Variants in IGF2BP2 observed in about 807,000 individuals in gnomAD.
IGF2BP2 encodes the protein insulin like growth factor 2 mRNA binding protein 2, also known as insulin-like growth factor 2 mRNA-binding protein 2.
In IGF2BP2, 17 loss-of-function variants were observed where a neutral mutation model predicts 75.8. The ratio of observed to expected loss-of-function variants is 0.22; its 90% confidence interval spans 0.15 to 0.34. The LOEUF (loss-of-function observed/expected upper bound fraction) is 0.34, where lower values mean the gene tolerates loss of function less well. IGF2BP2 is among the 10% of genes least tolerant of loss of function. The probability of loss-of-function intolerance (pLI) is 1.00; values close to 1 mark genes in which losing one functional copy is unlikely to be tolerated. For missense variants in IGF2BP2, 516 were observed against 772.4 expected, an observed-to-expected ratio of 0.67 and a Z score of 3.93; for synonymous variants, 288 against 295.6, an observed-to-expected ratio of 0.97 and a Z score of 0.26.
At chr3:185,688,853 CTT>C (rs370247185) in intron 6 of IGF2BP2, among the ~76,000 whole-genome samples, 1 of 152,330 alleles carries the variant, frequency 6.6e-6, no homozygotes, top group African/African-American at 2.4e-5. Flanking sequence ...TTCACCAACT[CTT>C]ACAATCAGTT....
rs575962344 is a variant in IGF2BP2, at chr3:185,646,860, C to T, written c.1707+165G>A. 9.7e-5 allele frequency: 61 copies of T among 625,886 alleles called. No individual in the cohort carries two copies. In the South Asian group the frequency reaches 1.0e-3, roughly 11 times the overall value. 38.8% of individuals were successfully genotyped at this position (625,886 alleles called of 1,614,324 possible). ...TGGAGAGAAGTGTGAAACAATGTCC[C>T]CTGCCCCGGGGGCCATCCCTAAAGA... On this transcript the variant is annotated intron_variant, in intron 15 of 15. Coordinates refer to ENST00000382199, the MANE Select transcript of IGF2BP2 (RefSeq NM_006548.6).
intron 2 of IGF2BP2, among the ~76,000 whole-genome samples, chr3:185,709,300 C>T (rs772563284): frequency 7.9e-5 from 12 of 152,212 alleles, no homozygotes; most frequent in Non-Finnish European, 1.3e-4. Context: ...GTTCTCCAAA[C>T]AGCACTTGAA....
chr3:185,718,501 CAT>C (rs2149452964), intron 2 of IGF2BP2, among the ~76,000 whole-genome samples: 1 of 151,976 alleles, frequency 6.6e-6, no homozygotes, highest in South Asian at 2.1e-4. Context: ...TCGTGGCTAA[CAT>C]AGTGAAATCC....
Position 185,754,678 on chromosome 3 carries a change from G to A in IGF2BP2, c.240-56331C>T, listed in dbSNP as rs566234046. On this transcript the variant is annotated intron_variant, in intron 2 of 15. Coordinates refer to ENST00000382199, the MANE Select transcript of IGF2BP2 (RefSeq NM_006548.6). The stretch of plus-strand genomic sequence containing the variant: ...GGACAGTGAAGTCCAGGCTGATGAG[G>A]TCTCAGGTGGAAATGAGGAAGTTAA... Among the ~76,000 whole-genome samples the A allele has an allele frequency of 3.3e-4, 51 of 152,312 alleles. No individual in the cohort carries two copies. The Middle Eastern group carries it at 0.01, about 30-fold the overall frequency.
chr3:185,731,402 A>G (rs1337116984), intron 2 of IGF2BP2, among the ~76,000 whole-genome samples: 1 of 151,442 alleles, frequency 6.6e-6, no homozygotes, highest in African/African-American at 2.4e-5. Context: ...ATGTGCCACC[A>G]CTCCAGCTAA....
At chr3:185,803,305 C>T (rs988252263) in intron 2 of IGF2BP2, among the ~76,000 whole-genome samples, 21 of 152,174 alleles carry the variant, frequency 1.4e-4, no homozygotes, top group Admixed American at 6.5e-5. Flanking sequence ...GAGCCGAGAT[C>T]ATGCTACTGC....
intron 2 of IGF2BP2, among the ~76,000 whole-genome samples, chr3:185,701,105 A>T (rs1306975062): frequency 6.6e-6 from 1 of 152,022 alleles, no homozygotes; most frequent in Non-Finnish European, 1.5e-5. Context: ...TAAATTATTA[A>T]ATTTTTAATA....
chr3:185,805,643 A>C (rs1738919008), intron 2 of IGF2BP2, among the ~76,000 whole-genome samples: 1 of 152,202 alleles, frequency 6.6e-6, no homozygotes, highest in Non-Finnish European at 1.5e-5. Flanking sequence ...GGCAGCCAAA[A>C]TATTTTAAAA....
intron 2 of IGF2BP2, among the ~76,000 whole-genome samples, chr3:185,787,360 T>C (rs1736036610): frequency 2.6e-5 from 4 of 152,176 alleles, no homozygotes; most frequent in Admixed American, 2.0e-4. Flanking sequence ...ATTTAAAAAA[T>C]ATTTAACGTT....
intron 2 of IGF2BP2, among the ~76,000 whole-genome samples, chr3:185,698,774 GCC>G (rs2149360842): frequency 6.6e-6 from 1 of 151,320 alleles, no homozygotes; most frequent in African/African-American, 2.4e-5. Flanking sequence ...GATTACAGGT[GCC>G]CACCACCACA....
chr3:185,665,503 A>AGGAGAAGG lies in IGF2BP2; in HGVS notation c.1200+7037_1200+7038insCCTTCTCC, dbSNP rs1560252056. Among the ~76,000 whole-genome samples the AGGAGAAGG allele has an allele frequency of 1.9e-4, 5 of 26,088 alleles. 1 individual carries two copies. The highest frequency in any genetic ancestry group is 2.1e-3 in the East Asian group (2 of 966). The allele number at this position is 26,088 out of a possible 152,430, so 17.1% of individuals were successfully genotyped here. ...GAAGAAGGAGGAGAAGGAGGAGGAG[A>AGGAGAAGG]AGGAGGAGGAGGAGAAGGAGGAGGA... On this transcript the variant is annotated intron_variant, in intron 10 of 15. Coordinates refer to ENST00000382199, the MANE Select transcript of IGF2BP2 (RefSeq NM_006548.6).
chr3:185,679,423 G>A lies in IGF2BP2; in HGVS notation c.813-3510C>T, dbSNP rs553642652. ...ATATCACAAATTAACATCTTTATAT[G>A]TTTTTATACCCATTAACATAGATTT... On this transcript the variant is annotated intron_variant, in intron 7 of 15. Transcript: ENST00000382199. Among the ~76,000 whole-genome samples, 55 of 151,242 alleles carry A rather than the reference G, an allele frequency of 3.6e-4. No homozygotes were observed. In the South Asian group the frequency reaches 4.0e-3, roughly 11 times the overall value.
At position 185,692,767 on chromosome 3, in the gene IGF2BP2, G is replaced by T. The variant is rs985263650; in HGVS notation, c.341-5C>A. The T allele has an allele frequency of 3.1e-6, 5 of 1,613,500 alleles. No individual in the cohort carries two copies. Among genetic ancestry groups the T allele is most frequent in the Non-Finnish European group, 4.2e-6 (5 of 1,179,708 alleles). ...CGGTTTCTGTGTCTGTGTTGACTAG[G>T]GAAAAGGCAAAAACTACACTGTCAT... On this transcript the variant is annotated splice_polypyrimidine_tract_variant and splice_region_variant and intron_variant, in intron 4 of 15. Transcript: ENST00000382199.
At chr3:185,710,280 T>C (rs1173294252) in intron 2 of IGF2BP2, among the ~76,000 whole-genome samples, 2 of 151,482 alleles carry the variant, frequency 1.3e-5, no homozygotes, top group South Asian at 2.1e-4. Flanking sequence ...TTCCACAGAC[T>C]GTGGGCAAGT....
chr3:185,724,185 G>A (rs1392629431), intron 2 of IGF2BP2, among the ~76,000 whole-genome samples: 2 of 152,208 alleles, frequency 1.3e-5, no homozygotes, highest in South Asian at 2.1e-4. Flanking sequence ...GCCCGGCTAA[G>A]ATCTGAAGAG....
At chr3:185,732,988 T>C (rs1053513163) in intron 2 of IGF2BP2, among the ~76,000 whole-genome samples, 2 of 152,174 alleles carry the variant, frequency 1.3e-5, no homozygotes, top group African/African-American at 2.4e-5. Context: ...TGTTCTCTTA[T>C]CCTGTTGTTC....
chr3:185,755,478 C>T (rs1291329385), intron 2 of IGF2BP2, among the ~76,000 whole-genome samples: 2 of 152,198 alleles, frequency 1.3e-5, no homozygotes, highest in African/African-American at 4.8e-5. Flanking sequence ...GGGAAGAGGG[C>T]CACTGCCCTC....
chr3:185,667,959 T>C (rs1460709521), intron 10 of IGF2BP2, among the ~76,000 whole-genome samples: 1 of 152,242 alleles, frequency 6.6e-6, no homozygotes, highest in Non-Finnish European at 1.5e-5. Flanking sequence ...TTCTCAGACA[T>C]AATGCTATTG....
At chr3:185,715,199 G>A (rs1306623905) in intron 2 of IGF2BP2, among the ~76,000 whole-genome samples, 3 of 152,208 alleles carry the variant, frequency 2.0e-5, no homozygotes, top group African/African-American at 7.2e-5. Flanking sequence ...TATTCTAAGG[G>A]AATGAGGCAC....
Sources: gnomAD v4.1 joint callset for allele counts (sites outside exome capture counted in the v4.1 genomes callset) on GRCh38, gnomAD v4.1.1 for gene constraint, MANE v1.5 for transcripts, NCBI Gene and HGNC (gene_info 2026-07-23, HGNC 2026-07-21) for gene names.